The following PRMT8 variants were observed in gnomAD, a reference collection of about 807,000 sequenced individuals.
PRMT8 encodes protein arginine N-methyltransferase 8.
A neutral mutation model predicts 47.1 loss-of-function variants in PRMT8; 7 were observed. That is an observed-to-expected ratio of 0.15 (90% confidence interval 0.08 to 0.28). PRMT8 has a LOEUF of 0.28. Ranked by LOEUF, PRMT8 falls within the 10% of genes least tolerant of loss-of-function variation. The pLI, the probability that PRMT8 is intolerant of heterozygous loss-of-function variation, is 1.00. For missense variants in PRMT8, 237 were observed against 505.4 expected (o/e 0.47, Z 5.09); for synonymous variants, 188 against 186.5 (o/e 1.01, Z -0.07).
intron 1 of PRMT8, among the ~76,000 whole-genome samples, chr12:3,397,886 G>A (rs1331897977): frequency 3.9e-5 from 6 of 152,210 alleles, no homozygotes; most frequent in African/African-American, 4.8e-5. Flanking sequence ...AGGACCCTCC[G>A]AGCCAGGTGT....
chr12:3,424,933 T>C (rs1864586345), intron 1 of PRMT8, among the ~76,000 whole-genome samples: 1 of 152,148 alleles, frequency 6.6e-6, no homozygotes, highest in East Asian at 1.9e-4. Context: ...CCAGTCAGCT[T>C]CCGGGTGTGA....
At chr12:3,536,525 G>A (rs192787756) in intron 1 of PRMT8, among the ~76,000 whole-genome samples, 1 of 152,194 alleles carries the variant, frequency 6.6e-6, no homozygotes, top group East Asian at 1.9e-4. Flanking sequence ...CCTTGACCGT[G>A]CACAATGCCC....
chr12:3,573,747 T>C (rs1591610366), intron 6 of PRMT8, among the ~76,000 whole-genome samples: 1 of 152,234 alleles, frequency 6.6e-6, no homozygotes, highest in Non-Finnish European at 1.5e-5. Context: ...TTTAGGAGTC[T>C]GTTTTCATCC....
intron 1 of PRMT8, among the ~76,000 whole-genome samples, chr12:3,403,213 A>T (rs1864335884): frequency 2.0e-5 from 3 of 152,226 alleles, no homozygotes; most frequent in South Asian, 2.1e-4. Context: ...AAACTAACAC[A>T]GGAACAGAAA....
chr12:3,513,794 C>A (rs1021039270), intron 1 of PRMT8, among the ~76,000 whole-genome samples: 1 of 152,166 alleles, frequency 6.6e-6, no homozygotes, highest in East Asian at 1.9e-4. Flanking sequence ...TCATAAGTTA[C>A]CAGTCTTGGA....
intron 1 of PRMT8, among the ~76,000 whole-genome samples, chr12:3,383,853 T>C (rs1402310305): frequency 6.6e-6 from 1 of 152,222 alleles, no homozygotes; most frequent in African/African-American, 2.4e-5. Flanking sequence ...TGGTATTGTA[T>C]TTTTAATTTT....
intron 1 of PRMT8, among the ~76,000 whole-genome samples, chr12:3,477,068 G>A (rs1865221689): frequency 6.6e-6 from 1 of 152,206 alleles, no homozygotes; most frequent in African/African-American, 2.4e-5. Context: ...TGGGAATGAG[G>A]AGAAGCTTAA....
chr12:3,432,213 G>A (rs1039436998), intron 1 of PRMT8, among the ~76,000 whole-genome samples: 19 of 152,164 alleles, frequency 1.2e-4, no homozygotes, highest in African/African-American at 4.6e-4. Context: ...ATCTGACAGG[G>A]CTGCCCACAG....
rs964262217 is a variant in PRMT8, at chr12:3,456,924, C to T, written c.48+75482C>T. ...CGTCTTTTCTTGCTGTGGCTGACGT[C>T]CTAGCCGTGTTAAGGGGGTGGGGGC... On this transcript the variant is annotated intron_variant, in intron 1 of 9. Coordinates refer to the PRMT8 transcript ENST00000452611. The surrounding 1 kb of genome is among the most constrained non-coding windows in gnomAD (Gnocchi z 4.2). 1.3e-5 allele frequency among the ~76,000 whole-genome samples: 2 copies of T among 152,176 alleles called. No individual in the cohort carries two copies. Among genetic ancestry groups the T allele is most frequent in the Non-Finnish European group, 2.9e-5 (2 of 68,036 alleles).
At position 3,514,285 on chromosome 12, in the gene PRMT8, T is replaced by C. The variant is rs1865755611; in HGVS notation, c.75+22585T>C. Among the ~76,000 whole-genome samples, 1 of 151,760 alleles carries C rather than the reference T, an allele frequency of 6.6e-6. No individual in the cohort carries two copies. The highest frequency in any genetic ancestry group is 1.5e-5 in the Non-Finnish European group (1 of 67,954). On this transcript the variant is annotated intron_variant, in intron 1 of 9. Coordinates refer to ENST00000382622, the MANE Select transcript of PRMT8 (RefSeq NM_019854.5). The surrounding 1 kb of genome is among the most constrained non-coding windows in gnomAD (Gnocchi z 5.9). Reference sequence around the variant, plus strand: ...GAATACTGAGCACTTCTGGTTCCTCTGAGGTTGGTATCCGGTTGGCTCAGT... The same window carrying C: ...GAATACTGAGCACTTCTGGTTCCTCCGAGGTTGGTATCCGGTTGGCTCAGT...
chr12:3,583,761 C>A lies in PRMT8; in HGVS notation c.979+553C>A, dbSNP rs150497958. Among the ~76,000 whole-genome samples the A allele has an allele frequency of 9.6e-4, 146 of 152,368 alleles. 1 individual carries two copies. Among genetic ancestry groups the A allele is most frequent in the Non-Finnish European group, 3.8e-4 (26 of 68,042 alleles). On this transcript the variant is annotated intron_variant, in intron 8 of 9. Transcript: ENST00000382622. The surrounding 1 kb of genome is among the most constrained non-coding windows in gnomAD (Gnocchi z 4.7). ...GCCCCGCTTACGAGGTGCCTCGCTG[C>A]CTGCAGTAGATAAGCCTGGCAAATG...
chr12:3,446,014 A>C (rs542898002), intron 1 of PRMT8, among the ~76,000 whole-genome samples: 93 of 152,222 alleles, frequency 6.1e-4, no homozygotes, highest in African/African-American at 2.1e-3. Flanking sequence ...CTCCTACAGC[A>C]TCCTGGATCA....
At chr12:3,392,185 ATTTTATTT>A (rs949667238) in intron 1 of PRMT8, among the ~76,000 whole-genome samples, 4 of 152,036 alleles carry the variant, frequency 2.6e-5, no homozygotes, top group Non-Finnish European at 4.4e-5. Context: ...TTTGGATTTT[ATTTTATTT>A]TTTTATTTTT....
At chr12:3,549,609 G>A (rs185249971) in intron 2 of PRMT8, among the ~76,000 whole-genome samples, 240 of 152,110 alleles carry the variant, frequency 1.6e-3, no homozygotes, top group African/African-American at 5.3e-3. Flanking sequence ...GTTCTGCTTC[G>A]TGTTTAACTT....
intron 1 of PRMT8, among the ~76,000 whole-genome samples, chr12:3,512,951 G>A (rs1457154833): frequency 1.3e-5 from 2 of 152,124 alleles, no homozygotes; most frequent in East Asian, 1.9e-4. Flanking sequence ...ACTTTAGAAC[G>A]AGGTTTGTGG....
At chr12:3,401,880 A>G (rs1404322153) in intron 1 of PRMT8, among the ~76,000 whole-genome samples, 1 of 152,252 alleles carries the variant, frequency 6.6e-6, no homozygotes, top group Non-Finnish European at 1.5e-5. Context: ...AGGAGGAATC[A>G]ATATCGTGAA....
At chr12:3,476,576 T>C (rs1186258487) in intron 1 of PRMT8, among the ~76,000 whole-genome samples, 1 of 152,108 alleles carries the variant, frequency 6.6e-6, no homozygotes, top group Admixed American at 6.5e-5. Flanking sequence ...CCCATCTCTC[T>C]CTCTTAGGAT....
At chr12:3,484,583 G>C (rs998846796) in intron 1 of PRMT8, among the ~76,000 whole-genome samples, 5 of 152,218 alleles carry the variant, frequency 3.3e-5, no homozygotes, top group African/African-American at 4.8e-5. Context: ...ATCTGCATTG[G>C]CTCATTTTGT....
chr12:3,464,239 G>T (rs1275920540), intron 1 of PRMT8, among the ~76,000 whole-genome samples: 1 of 151,336 alleles, frequency 6.6e-6, no homozygotes, highest in Non-Finnish European at 1.5e-5. Context: ...AGACAAAGAG[G>T]TGCTTTTGTT....
Sources: gnomAD v4.1 joint callset for allele counts (sites outside exome capture counted in the v4.1 genomes callset) on GRCh38, gnomAD v4.1.1 for gene constraint, Gnocchi (gnomAD v3.1) non-coding constraint, MANE v1.5 for transcripts, NCBI Gene and HGNC (gene_info 2026-07-23, HGNC 2026-07-21) for gene names.